Variants in RAP1A observed in about 807,000 individuals in gnomAD.
RAP1A encodes the protein ras-related protein Rap-1A.
A neutral mutation model predicts 26.4 loss-of-function variants in RAP1A; 6 were observed. That is an observed-to-expected ratio of 0.23 (90% CI 0.12 to 0.45). RAP1A has a LOEUF of 0.45. Ranked by LOEUF, RAP1A falls within the 20% of genes least tolerant of loss-of-function variation. The pLI, the probability that RAP1A is intolerant of heterozygous loss-of-function variation, is 0.99. For synonymous variants in RAP1A, 73 were observed against 79.4 expected (o/e 0.92, Z 0.43); for missense variants, 121 against 217.2 (o/e 0.56, Z 2.78).
intron 1 of RAP1A, among the ~76,000 whole-genome samples, chr1:111,638,337 T>A (rs762189005): frequency 7.9e-5 from 12 of 152,216 alleles, no homozygotes; most frequent in Non-Finnish European, 1.8e-4. Flanking sequence ...TTTTTATTTC[T>A]GCAGCATAAA....
chr1:111,705,829 T>C (rs1571576595), intron 6 of RAP1A, among the ~76,000 whole-genome samples: 1 of 152,216 alleles, frequency 6.6e-6, no homozygotes, highest in African/African-American at 2.4e-5. Context: ...GGTCACTATC[T>C]ACAAGATAAT....
chr1:111,542,615 G>A (rs1656877476), intron 1 of RAP1A: 1 of 153,658 alleles, frequency 6.5e-6, no homozygotes, highest in South Asian at 2.0e-4. Flanking sequence ...TTTCTCTTAT[G>A]TGCAAACTAA....
intron 1 of RAP1A, among the ~76,000 whole-genome samples, chr1:111,655,536 T>C (rs1168634630): frequency 6.6e-6 from 1 of 151,654 alleles, no homozygotes; most frequent in Admixed American, 6.6e-5. Context: ...GTTAACTAAA[T>C]AGGAACATTT....
chr1:111,634,861 T>G (rs1410681990), intron 1 of RAP1A, among the ~76,000 whole-genome samples: 3 of 152,106 alleles, frequency 2.0e-5, no homozygotes, highest in African/African-American at 7.2e-5. Flanking sequence ...GCCAGGATGG[T>G]CTCGATCTGC....
intron 1 of RAP1A, among the ~76,000 whole-genome samples, chr1:111,593,679 T>A (rs868622512): frequency 4.0e-4 from 58 of 144,124 alleles, no homozygotes; most frequent in Non-Finnish European, 6.1e-4. Flanking sequence ...TTTTTTTTTT[T>A]ACCTTTCTAA....
rs1662421505 is a variant in RAP1A, at chr1:111,712,678, A to T, written c.*277A>T. The T allele has an allele frequency of 6.6e-6, 1 of 152,548 alleles. No individual in the cohort carries two copies. 9.4% of individuals were successfully genotyped at this position (152,548 alleles called of 1,614,324 possible). On this transcript the variant is annotated 3_prime_UTR_variant, in exon 8 of 8. Coordinates refer to ENST00000369709, the MANE Select transcript of RAP1A (RefSeq NM_002884.4). ...TGAAAATATACTTGACTCTAATATG[A>T]TTATACAAAAGAGCATGGATGCATT...
At chr1:111,680,133 G>A (rs998357149) in intron 1 of RAP1A, among the ~76,000 whole-genome samples, 2 of 152,148 alleles carry the variant, frequency 1.3e-5, no homozygotes, top group Non-Finnish European at 2.9e-5. Flanking sequence ...GGTTCCTTCC[G>A]GTGGGTTCTT....
intron 1 of RAP1A, among the ~76,000 whole-genome samples, chr1:111,580,384 T>G (rs578234024): frequency 1.6e-4 from 24 of 152,274 alleles, no homozygotes; most frequent in African/African-American, 5.8e-4. Context: ...ATGAGGATAA[T>G]AAGTTCTTTT....
chr1:111,644,795 G>A (rs187871837), intron 1 of RAP1A, among the ~76,000 whole-genome samples: 31 of 152,214 alleles, frequency 2.0e-4, no homozygotes, highest in African/African-American at 7.0e-4. Context: ...GAAGGGGGAG[G>A]GTCATAGATC....
rs1454145623 is a variant in RAP1A, at chr1:111,698,542, T to TATAG, written c.183+1046_183+1049dup. 2.0e-5 allele frequency among the ~76,000 whole-genome samples: 3 copies of TATAG among 152,274 alleles called. No individual in the cohort carries two copies. The East Asian group carries it at 5.8e-4, about 29-fold the overall frequency. ...GCTCTGCTTCTGAAAGTGCTGGGAT[T>TATAG]ATAGGTGTGAGCCATGGCACCTGGC... On this transcript the variant is annotated intron_variant, in intron 4 of 7. Coordinates refer to ENST00000369709, the MANE Select transcript of RAP1A (RefSeq NM_002884.4).
chr1:111,674,995 A>G (rs1661080756), intron 1 of RAP1A, among the ~76,000 whole-genome samples: 1 of 152,128 alleles, frequency 6.6e-6, no homozygotes, highest in South Asian at 2.1e-4. Flanking sequence ...CCCGTTATTT[A>G]CTAGATAAAA....
At chr1:111,666,699 T>G (rs151197815) in intron 1 of RAP1A, among the ~76,000 whole-genome samples, 2 of 152,022 alleles carry the variant, frequency 1.3e-5, no homozygotes, top group Non-Finnish European at 2.9e-5. Flanking sequence ...GAAAAATGCC[T>G]GATACTATAA....
chr1:111,581,339 T>C (rs1571482133), intron 1 of RAP1A, among the ~76,000 whole-genome samples: 1 of 152,122 alleles, frequency 6.6e-6, no homozygotes, highest in South Asian at 2.1e-4. Flanking sequence ...TCTACAGCAG[T>C]TTTTCTCAAC....
intron 1 of RAP1A, among the ~76,000 whole-genome samples, chr1:111,572,972 T>C (rs1159752594): frequency 1.3e-5 from 2 of 152,300 alleles, no homozygotes; most frequent in East Asian, 3.9e-4. Context: ...ATCATTTAGT[T>C]CCCACTTATA....
At chr1:111,691,568 A>G in intron 2 of RAP1A, 151 bp downstream of exon 2, 2 of 670,744 alleles carry the variant, frequency 3.0e-6, no homozygotes, top group Non-Finnish European at 5.1e-6. Flanking sequence ...TCATTTAATA[A>G]CCACAGATGT....
chr1:111,578,333 T>C (rs1471094043), intron 1 of RAP1A, among the ~76,000 whole-genome samples: 1 of 151,924 alleles, frequency 6.6e-6, no homozygotes, highest in Non-Finnish European at 1.5e-5. Flanking sequence ...ATAGATAAGG[T>C]TACACAGCTA....
rs532723497 is a variant in RAP1A at position 111,564,898 on chromosome 1, C to T, written c.-28+22389C>T. Among the ~76,000 whole-genome samples, 55 of 152,092 alleles carry T rather than the reference C, an allele frequency of 3.6e-4. 1 individual carries two copies. Among genetic ancestry groups the T allele is most frequent in the Middle Eastern group, 6.8e-3 (2 of 292 alleles). ...AGAAAAAGCCCCCCATGCTTGCTAT[C>T]ATGAAACTTGCATTACAGTCAGGAC... On this transcript the variant is annotated intron_variant, in intron 1 of 7. Coordinates refer to the RAP1A transcript ENST00000356415.
chr1:111,586,339 TCTAA>T (rs745758460), intron 1 of RAP1A, among the ~76,000 whole-genome samples: 21 of 152,148 alleles, frequency 1.4e-4, no homozygotes, highest in Non-Finnish European at 2.9e-4. Context: ...ATGGCTACAG[TCTAA>T]CTGACATCCC....
intron 1 of RAP1A, among the ~76,000 whole-genome samples, chr1:111,585,699 G>A (rs1658354004): frequency 6.6e-6 from 1 of 152,120 alleles, no homozygotes; most frequent in South Asian, 2.1e-4. Flanking sequence ...GCTAAAGGAG[G>A]GAATTGGTTC....
Sources: allele counts gnomAD v4.1 joint callset (sites outside exome capture counted in the v4.1 genomes callset), GRCh38; gene constraint gnomAD v4.1.1; transcripts MANE v1.5; gene names NCBI Gene and HGNC (gene_info 2026-07-23, HGNC 2026-07-21).